The following GRSF1 variants were observed in gnomAD, a reference collection of about 807,000 sequenced individuals.
GRSF1 encodes the protein G-rich sequence factor 1.
Under a neutral mutation model 51.1 loss-of-function variants are expected in GRSF1, and 50 were observed. That is an observed-to-expected ratio of 0.98 (90% confidence interval 0.78 to 1.24). The LOEUF (loss-of-function observed/expected upper bound fraction) is 1.24, where lower values mean the gene tolerates loss of function less well. GRSF1 is among the 50% of genes most tolerant of loss of function. The pLI, the probability that GRSF1 is intolerant of heterozygous loss-of-function variation, is 0.00. For synonymous variants in GRSF1, 293 were observed against 253.3 expected, an observed-to-expected ratio of 1.16 and a Z score of -1.49; for missense variants, 700 against 639.7, an observed-to-expected ratio of 1.09 and a Z score of -1.02.
chr4:70,825,501 T>G, intron 7 of GRSF1, 70 bp from the exon 8 acceptor site: 1 of 1,245,294 alleles, frequency 8.0e-7, no homozygotes, highest in Non-Finnish European at 1.1e-6. Context: ...CTGGTGGCTC[T>G]TCATCTTTCT....
At position 70,819,208 on chromosome 4, in the gene GRSF1, A is replaced by G. The variant is rs968475554; in HGVS notation, c.*1679T>C. 6.6e-6 allele frequency: 1 copy of G among 152,206 alleles called. No individual in the cohort carries two copies. Among genetic ancestry groups the G allele is most frequent in the Non-Finnish European group, 1.5e-5 (1 of 68,046 alleles). 9.4% of individuals were successfully genotyped at this position (152,206 alleles called of 1,614,324 possible). ...ATTAGCTTAAATCAATTGCAGATGA[A>G]TTCCTCACAGTAGGCCCCACAGATC... On this transcript the variant is annotated 3_prime_UTR_variant, in exon 10 of 10. Transcript: ENST00000254799.
At position 70,827,844 on chromosome 4, in the gene GRSF1, G is replaced by GA. The variant is rs773568324; in HGVS notation, c.1135+7dup. The stretch of plus-strand genomic sequence containing the variant: ...CCCAATGAGTCTCAAGAAGAGGCAG[G>GA]ACCTTACCTATTTCCTTCTCACTTT... On this transcript the variant is annotated splice_region_variant and intron_variant, in intron 6 of 9. Coordinates refer to ENST00000254799, the MANE Select transcript of GRSF1 (RefSeq NM_002092.4). 1 of 1,594,180 alleles carries GA rather than the reference G, an allele frequency of 6.3e-7. No individual in the cohort carries two copies. Among genetic ancestry groups the GA allele is most frequent in the South Asian group, 1.1e-5 (1 of 89,562 alleles).
intron 5 of GRSF1, among the ~76,000 whole-genome samples, chr4:70,830,662 T>C (rs139720138): frequency 6.6e-6 from 1 of 151,774 alleles, no homozygotes; most frequent in Non-Finnish European, 1.5e-5. Flanking sequence ...CTACTAAAAA[T>C]ACAAAACTTA....
rs193181132 is a variant in GRSF1 at position 70,826,672 on chromosome 4, T to G, written c.1136-427A>C. Among the ~76,000 whole-genome samples the G allele has an allele frequency of 9.9e-5, 15 of 151,894 alleles. No homozygotes were observed. In the East Asian group the frequency reaches 2.9e-3, roughly 29 times the overall value. ...CTGGGCAACACAGCCAGACACTGTC[T>G]CTACAAAAAATAAAAATAAAAATAA... On this transcript the variant is annotated intron_variant, in intron 6 of 9. Coordinates refer to ENST00000254799, the MANE Select transcript of GRSF1 (RefSeq NM_002092.4).
At chr4:70,826,090 A>G in intron 7 of GRSF1, 34 bp downstream of exon 7, 1 of 1,579,674 alleles carries the variant, frequency 6.3e-7, no homozygotes, top group Non-Finnish European at 8.6e-7. Context: ...TTTTGTTCAA[A>G]TCTATTGAGA....
chr4:70,829,819 C>T (rs1733887043), intron 5 of GRSF1, among the ~76,000 whole-genome samples: 1 of 151,838 alleles, frequency 6.6e-6, no homozygotes, highest in Non-Finnish European at 1.5e-5. Flanking sequence ...AACCAAAAAA[C>T]CTTTGAACCA....
rs1261056938 is a variant in GRSF1, at chr4:70,820,059, A to G, written c.*828T>C. 2 of 152,340 alleles carry G rather than the reference A, an allele frequency of 1.3e-5. No homozygotes were observed. The highest frequency in any genetic ancestry group is 2.9e-5 in the Non-Finnish European group (2 of 68,048). The allele number at this position is 152,340 out of a possible 1,614,324, so 9.4% of individuals were successfully genotyped here. A position where few individuals can be genotyped will look rare whatever the true frequency, so the allele number is the denominator to read the frequency against. ...AGCTGGTTTAAATTCAAGTGAAGCC[A>G]TTAATTTTCTTACCAGTCTGGACTG... On this transcript the variant is annotated 3_prime_UTR_variant, in exon 10 of 10. Transcript: ENST00000254799.
At chr4:70,838,168 G>A (rs1011642392) in intron 1 of GRSF1, among the ~76,000 whole-genome samples, 10 of 131,448 alleles carry the variant, frequency 7.6e-5, no homozygotes, top group African/African-American at 2.9e-4. Flanking sequence ...GCAGTGAGCC[G>A]AGATCATTCC....
In GRSF1 at chr4:70,833,210, C is replaced by G. The variant is rs1734058030; in HGVS notation, c.578G>C (p.Arg193Thr). The G allele has an allele frequency of 4.3e-6, 7 of 1,613,924 alleles. No individual in the cohort carries two copies. Among genetic ancestry groups the G allele is most frequent in the Non-Finnish European group, 5.1e-6 (6 of 1,179,810 alleles). The change falls in exon 3 of 10, where the codon AGG becomes ACG. Residue 193 changes from arginine (R) to threonine (T), a missense_variant. Transcript: ENST00000254799. ...CTCCATTTCAATTAAGGCATCACCCCTTCGTTTCCCATCTCTGTTTAGGAG... is the reference window on the plus strand; with the variant it reads ...CTCCATTTCAATTAAGGCATCACCCGTTCGTTTCCCATCTCTGTTTAGGAG... ...HFLLNRDGKR[R>T]GDALIEMESE...
chr4:70,821,224 C>T (rs1178856434), intron 9 of GRSF1, among the ~76,000 whole-genome samples: 4 of 151,990 alleles, frequency 2.6e-5, no homozygotes, highest in Non-Finnish European at 2.9e-5. Flanking sequence ...GTCAGGAGTT[C>T]GAGACCAACC....
chr4:70,816,497 G>C lies in GRSF1; in HGVS notation c.*4390C>G, dbSNP rs1455430084. 6.6e-6 allele frequency: 1 copy of C among 152,166 alleles called. No individual in the cohort carries two copies. The highest frequency in any genetic ancestry group is 2.4e-5 in the African/African-American group (1 of 41,422). 9.4% of individuals were successfully genotyped at this position (152,166 alleles called of 1,614,324 possible). Reference sequence around the variant, plus strand: ...CCAGCACTTTGGGAGGCCGAGGCAGGCAAATGACTGGAGGCCAGGAGTTCC... The same window carrying C: ...CCAGCACTTTGGGAGGCCGAGGCAGCCAAATGACTGGAGGCCAGGAGTTCC... On this transcript the variant is annotated 3_prime_UTR_variant, in exon 10 of 10. Transcript: ENST00000254799.
At chr4:70,827,145 G>A (rs936256741) in intron 6 of GRSF1, among the ~76,000 whole-genome samples, 2 of 151,938 alleles carry the variant, frequency 1.3e-5, no homozygotes, top group Non-Finnish European at 2.9e-5. Flanking sequence ...AAAATTAGCC[G>A]GGCACGGTGG....
chr4:70,826,412 C>G (rs2148838336), intron 6 of GRSF1, among the ~76,000 whole-genome samples, 167 bp from the exon 7 acceptor site: 1 of 152,154 alleles, frequency 6.6e-6, no homozygotes, highest in Non-Finnish European at 1.5e-5. Flanking sequence ...ACCTGAACAC[C>G]CATAAGCACT....
At chr4:70,834,833 C>T (rs1042886602) in intron 2 of GRSF1, among the ~76,000 whole-genome samples, 1 of 152,052 alleles carries the variant, frequency 6.6e-6, no homozygotes, top group Non-Finnish European at 1.5e-5. Flanking sequence ...ACATGTTAGC[C>T]AGGATGGTCT....
At chr4:70,835,328 G>A (rs1438228196) in intron 2 of GRSF1, among the ~76,000 whole-genome samples, 1 of 151,024 alleles carries the variant, frequency 6.6e-6, no homozygotes, top group African/African-American at 2.4e-5. Flanking sequence ...TACTAGGGAG[G>A]CTGAGGCAGG....
chr4:70,836,334 A>G lies in GRSF1; in HGVS notation c.358-20T>C. 6.6e-7 allele frequency: 1 copy of G among 1,513,308 alleles called. No homozygotes were observed. Among genetic ancestry groups the G allele is most frequent in the Non-Finnish European group, 8.8e-7 (1 of 1,130,316 alleles). The allele number at this position is 1,513,308 out of a possible 1,614,324, so 93.7% of individuals were successfully genotyped here. ...GGACTCCTTCCAAAGGAAATGAAGA[A>G]TTGTAAAAAGAGTTGCATTTACAGG... On this transcript the variant is annotated intron_variant, in intron 1 of 9. Transcript: ENST00000254799.
rs532617791 is a variant in GRSF1, at chr4:70,818,923, T to C, written c.*1964A>G. 6.6e-6 allele frequency: 1 copy of C among 152,286 alleles called. No homozygotes were observed. The highest frequency in any genetic ancestry group is 1.5e-5 in the Non-Finnish European group (1 of 68,036). 9.4% of individuals were successfully genotyped at this position (152,286 alleles called of 1,614,324 possible). ...ACTTGCATGGAAATAAGATTACTTT[T>C]ACTGTATTATGTGCTTCTCTTCCTT... On this transcript the variant is annotated 3_prime_UTR_variant, in exon 10 of 10. Coordinates refer to ENST00000254799, the MANE Select transcript of GRSF1 (RefSeq NM_002092.4).
In GRSF1 at chr4:70,833,103, T is replaced by C. The variant is rs918908323; in HGVS notation, c.670+15A>G. 5 of 1,608,134 alleles carry C rather than the reference T, an allele frequency of 3.1e-6. No homozygotes were observed. ...ATGCAATGATCCCAAAAAGCCATAA[T>C]CTGACTTCACATACCTTCCACATAC... On this transcript the variant is annotated intron_variant, in intron 3 of 9. Coordinates refer to ENST00000254799, the MANE Select transcript of GRSF1 (RefSeq NM_002092.4).
At chr4:70,828,944 G>A (rs1320675460) in intron 5 of GRSF1, among the ~76,000 whole-genome samples, 2 of 151,974 alleles carry the variant, frequency 1.3e-5, no homozygotes, top group African/African-American at 4.8e-5. Flanking sequence ...TCACTATGTT[G>A]GCCAGGCTGG....
Sources: allele counts gnomAD v4.1 joint callset (sites outside exome capture counted in the v4.1 genomes callset), GRCh38; gene constraint gnomAD v4.1.1; transcripts MANE v1.5; gene names NCBI Gene and HGNC (gene_info 2026-07-23, HGNC 2026-07-21).